SNX27: variants seen among roughly 807,000 people sequenced by gnomAD.
SNX27 encodes the protein sorting nexin 27.
SNX27 carries 22 observed loss-of-function variants against 71.6 expected under a neutral mutation model. That is an observed-to-expected ratio of 0.31 (90% confidence interval 0.22 to 0.44). The LOEUF (loss-of-function observed/expected upper bound fraction) is 0.44, where lower values mean the gene tolerates loss of function less well. Among genes scored for constraint, SNX27 ranks in the 20% least tolerant of loss-of-function variants. SNX27 has a pLI of 1.00. For missense variants in SNX27, 531 were observed against 698.6 expected, an observed-to-expected ratio of 0.76 and a Z score of 2.70; for synonymous variants, 269 against 277.2, an observed-to-expected ratio of 0.97 and a Z score of 0.29.
At chr1:151,635,384 C>T (rs1668418929) in intron 1 of SNX27, among the ~76,000 whole-genome samples, 3 of 152,166 alleles carry the variant, frequency 2.0e-5, no homozygotes, top group Non-Finnish European at 2.9e-5. Flanking sequence ...TATTCAAACC[C>T]AAGTCTGTTT....
intron 8 of SNX27, among the ~76,000 whole-genome samples, chr1:151,687,820 C>T (rs999927327): frequency 6.6e-6 from 1 of 152,020 alleles, no homozygotes; most frequent in South Asian, 2.1e-4. Context: ...TGGTGGCGGG[C>T]GCCTGTAGTC....
intron 2 of SNX27, among the ~76,000 whole-genome samples, chr1:151,652,211 A>AGGGAGC (rs1558054213): frequency 1.7e-5 from 1 of 57,402 alleles, no homozygotes; most frequent in Admixed American, 2.6e-4. Flanking sequence ...CCGTGGGGAG[A>AGGGAGC]GGGAGAGGGA....
At chr1:151,647,132 C>CTTTTTTTTT (rs56999871) in intron 2 of SNX27, among the ~76,000 whole-genome samples, 1 of 130,324 alleles carries the variant, frequency 7.7e-6, no homozygotes. Context: ...ATCTCTATTA[C>CTTTTTTTTT]TTTTTTTTTT....
Position 151,612,476 on chromosome 1 carries a change from G to T in SNX27, c.275G>T (p.Arg92Leu), listed in dbSNP as rs768798077. 7.1e-7 allele frequency: 1 copy of T among 1,413,736 alleles called. No individual in the cohort carries two copies. The highest frequency in any genetic ancestry group is 9.2e-7 in the Non-Finnish European group (1 of 1,086,466). 87.6% of individuals were successfully genotyped at this position (1,413,736 alleles called of 1,614,324 possible). The change falls in exon 1 of 12, where the codon CGG becomes CTG. Residue 92 changes from arginine (R) to leucine (L), a missense_variant. By Grantham distance (102) the Arg-to-Leu change is moderately radical (BLOSUM62 -2). Around this residue, in one of 5 missense-constraint regions of SNX27, gnomAD observed 13 missense variants for 45.6 expected, o/e 0.28. Coordinates refer to ENST00000458013, the MANE Select transcript of SNX27 (RefSeq NM_001330723.2). The surrounding 1 kb of genome is among the most constrained non-coding windows in gnomAD (Gnocchi z 5.2). Reference protein sequence around the residue: ...SAVLPGGAADRAGVRKGDRIL... With the variant: ...SAVLPGGAADLAGVRKGDRIL... Reference sequence around the variant, plus strand: ...GTGCTGCCCGGGGGGGCGGCCGATCGGGCCGGGGTGCGCAAGGGGGACCGC... The same window carrying T: ...GTGCTGCCCGGGGGGGCGGCCGATCTGGCCGGGGTGCGCAAGGGGGACCGC...
rs1667211098 is a variant in SNX27 at position 151,612,289 on chromosome 1, TGCGCCGGGAACG to T, written c.92_103del (p.Ala31_Gly34del). On this transcript the variant is annotated inframe_deletion, in exon 1 of 12. Transcript: ENST00000458013. This position sits in a 1 kb window ranked among gnomAD's most constrained non-coding sequence, Gnocchi z 5.2. ...CGGCGGCGGGGGGTCTGGGCTCCAC[TGCGCCGGGAACG>T]GCGGCGGGGGAGGCGGCGGCCCGCG... 2 of 1,507,790 alleles carry T rather than the reference TGCGCCGGGAACG, an allele frequency of 1.3e-6. No homozygotes were observed. The highest frequency in any genetic ancestry group is 1.8e-6 in the Non-Finnish European group (2 of 1,130,590). 93.4% of individuals were successfully genotyped at this position (1,507,790 alleles called of 1,614,324 possible).
At chr1:151,645,584 G>A (rs1344071616) in intron 2 of SNX27, among the ~76,000 whole-genome samples, 1 of 152,220 alleles carries the variant, frequency 6.6e-6, no homozygotes, top group Non-Finnish European at 1.5e-5. Flanking sequence ...GAAGGGATTA[G>A]TCTGAGATAC....
chr1:151,638,769 A>T, intron 1 of SNX27, 119 bp from the exon 2 acceptor site: 1 of 889,140 alleles, frequency 1.1e-6, no homozygotes, highest in Non-Finnish European at 1.7e-6. Flanking sequence ...GAACCAAATT[A>T]ATCTTTTGAC....
chr1:151,659,393 A>G (rs981385061), intron 3 of SNX27, among the ~76,000 whole-genome samples: 3 of 152,042 alleles, frequency 2.0e-5, no homozygotes, highest in Non-Finnish European at 4.4e-5. Context: ...GACTACAGAA[A>G]CGCACCACAT....
At chr1:151,639,178 A>G in intron 2 of SNX27, 59 bp downstream of exon 2, 1 of 1,450,748 alleles carries the variant, frequency 6.9e-7, no homozygotes, top group Non-Finnish European at 9.5e-7. Flanking sequence ...TAGTCTTATA[A>G]TTATGAAACT....
At position 151,641,336 on chromosome 1, in the gene SNX27, G is replaced by T. The variant is rs896838191; in HGVS notation, c.543+2217G>T. Among the ~76,000 whole-genome samples, 4 of 152,070 alleles carry T rather than the reference G, an allele frequency of 2.6e-5. No individual in the cohort carries two copies. In the East Asian group the frequency reaches 5.8e-4, roughly 22 times the overall value. On this transcript the variant is annotated intron_variant, in intron 2 of 11. Coordinates refer to ENST00000458013, the MANE Select transcript of SNX27 (RefSeq NM_001330723.2). Reference sequence around the variant, plus strand: ...TTATCATATGCAGTGGAGAGTTCCAGTGGTTCCATAACCTCTTGATATTTT... The same window carrying T: ...TTATCATATGCAGTGGAGAGTTCCATTGGTTCCATAACCTCTTGATATTTT...
intron 11 of SNX27, 111 bp from the exon 12 acceptor site, chr1:151,694,259 G>A: frequency 6.7e-7 from 1 of 1,503,094 alleles, no homozygotes; most frequent in Non-Finnish European, 8.9e-7. Flanking sequence ...GAAAGATGTG[G>A]CCAATCAGAT....
rs946971195 is a variant in SNX27, at chr1:151,696,330, C to T, written c.*1913C>T. 3 of 152,054 alleles carry T rather than the reference C, an allele frequency of 2.0e-5. No individual in the cohort carries two copies. The highest frequency in any genetic ancestry group is 4.4e-5 in the Non-Finnish European group (3 of 67,932). The allele number at this position is 152,054 out of a possible 1,614,324, so 9.4% of individuals were successfully genotyped here. On this transcript the variant is annotated 3_prime_UTR_variant, in exon 12 of 12. Coordinates refer to ENST00000458013, the MANE Select transcript of SNX27 (RefSeq NM_001330723.2). ...CTCCCCTTTCTAAACAAAAACCTTC[C>T]TAGGATGGCATCTTTTGCTCTAACT... is the stretch of plus-strand genomic sequence containing the variant.
At chr1:151,630,358 T>A (rs2102617043) in intron 1 of SNX27, among the ~76,000 whole-genome samples, 1 of 152,262 alleles carries the variant, frequency 6.6e-6, no homozygotes, top group Non-Finnish European at 1.5e-5. Flanking sequence ...TATAAAACCA[T>A]CTCATATTCT....
At chr1:151,648,165 C>T (rs984492777) in intron 2 of SNX27, among the ~76,000 whole-genome samples, 4 of 151,972 alleles carry the variant, frequency 2.6e-5, no homozygotes, top group African/African-American at 7.2e-5. Context: ...AGTGATCTCC[C>T]ACCTCAACCT....
At position 151,623,288 on chromosome 1, in the gene SNX27, G is replaced by A. The variant is rs973593873; in HGVS notation, c.311+10776G>A. Among the ~76,000 whole-genome samples the A allele has an allele frequency of 2.3e-4, 35 of 152,212 alleles. 1 individual carries two copies. The highest frequency in any genetic ancestry group is 1.5e-3 in the Admixed American group (23 of 15,292). On this transcript the variant is annotated intron_variant, in intron 1 of 11. Transcript: ENST00000458013. ...CCCGAGTAGCTGGGACTACAGGTGC[G>A]GGCCACCATACTTGGCTAATTTTTT... is the stretch of plus-strand genomic sequence containing the variant.
At chr1:151,678,619 C>CT (rs1229593566) in intron 7 of SNX27, 2 of 152,138 alleles carry the variant, frequency 1.3e-5, no homozygotes, top group African/African-American at 2.4e-5. Flanking sequence ...AGTGGGATTA[C>CT]TGAATCATAT....
At chr1:151,617,328 G>C (rs2102591008) in intron 1 of SNX27, among the ~76,000 whole-genome samples, 1 of 151,778 alleles carries the variant, frequency 6.6e-6, no homozygotes, top group Non-Finnish European at 1.5e-5. Flanking sequence ...GCCCAGGCTG[G>C]AGTGCAGTGG....
At chr1:151,661,671 A>G (rs187552575) in intron 4 of SNX27, 2 of 152,426 alleles carry the variant, frequency 1.3e-5, no homozygotes, top group African/African-American at 4.8e-5. Flanking sequence ...GCTAACTTTG[A>G]AAGGAAAAAT....
At chr1:151,642,119 A>C (rs1668803021) in intron 2 of SNX27, among the ~76,000 whole-genome samples, 1 of 151,768 alleles carries the variant, frequency 6.6e-6, no homozygotes, top group East Asian at 1.9e-4. Flanking sequence ...CTGTAATCCC[A>C]GCACTTTGGG....
Sources: allele counts gnomAD v4.1 joint callset (sites outside exome capture counted in the v4.1 genomes callset), GRCh38; gene constraint gnomAD v4.1.1; regional missense constraint gnomAD v4.1.1; non-coding constraint Gnocchi (gnomAD v3.1); transcripts MANE v1.5; gene names NCBI Gene and HGNC (gene_info 2026-07-23, HGNC 2026-07-21).